CACNA1I: variants seen among roughly 807,000 people sequenced by gnomAD.
CACNA1I encodes calcium voltage-gated channel subunit alpha1 I, also known as voltage-dependent T-type calcium channel subunit alpha-1I.
Under a neutral mutation model 201.6 loss-of-function variants are expected in CACNA1I, and 74 were observed. The observed-to-expected ratio is 0.37, with a 90% CI of 0.30 to 0.45. The LOEUF (loss-of-function observed/expected upper bound fraction) is 0.45. CACNA1I is among the 20% of genes least tolerant of loss of function. CACNA1I has a pLI of 1.00. For missense variants in CACNA1I, 2,346 were observed against 3,138.1 expected (o/e 0.75, Z 6.03); for synonymous variants, 1,431 against 1,345.2 (o/e 1.06, Z -1.40).
At chr22:39,658,891 C>T (rs1437992451) in intron 11 of CACNA1I, 40 bp from the exon 12 acceptor site, 7 of 1,536,470 alleles carry the variant, frequency 4.6e-6, no homozygotes, top group East Asian at 2.4e-5. Context: ...CCTACTGCTG[C>T]CTCCTACCTG....
intron 29 of CACNA1I, among the ~76,000 whole-genome samples, chr22:39,675,512 C>T (rs1247200728): frequency 6.6e-6 from 1 of 152,242 alleles, no homozygotes; most frequent in African/African-American, 2.4e-5. Context: ...GTAGTCATTA[C>T]AAGTGCATTA....
At chr22:39,573,441 G>A (rs764723696) in intron 1 of CACNA1I, among the ~76,000 whole-genome samples, 5 of 152,058 alleles carry the variant, frequency 3.3e-5, no homozygotes, top group African/African-American at 4.8e-5. Context: ...TGCTGCCCAC[G>A]TGTCACGGAG....
intron 3 of CACNA1I, among the ~76,000 whole-genome samples, chr22:39,617,700 G>A (rs930637066): frequency 3.3e-5 from 5 of 151,998 alleles, no homozygotes; most frequent in South Asian, 4.1e-4. Flanking sequence ...ATGCAGTCCC[G>A]CTCCCTCGCT....
At chr22:39,599,738 C>T (rs1932983845) in intron 2 of CACNA1I, among the ~76,000 whole-genome samples, 1 of 152,152 alleles carries the variant, frequency 6.6e-6, no homozygotes, top group South Asian at 2.1e-4. Flanking sequence ...CTCAGCAGCC[C>T]CGGGCCCCAG....
chr22:39,612,203 C>A (rs1212169853), intron 3 of CACNA1I, among the ~76,000 whole-genome samples: 1 of 152,156 alleles, frequency 6.6e-6, no homozygotes, highest in Non-Finnish European at 1.5e-5. Context: ...CCCTGTCTCA[C>A]ACACACTTTC....
chr22:39,681,665 G>A (rs1022316077), intron 34 of CACNA1I, among the ~76,000 whole-genome samples: 1 of 151,972 alleles, frequency 6.6e-6, no homozygotes, highest in Admixed American at 6.6e-5. Context: ...GCAGTCTTAG[G>A]GGGTGAGATC....
chr22:39,659,320 G>T lies in CACNA1I; in HGVS notation c.2331-113G>T, dbSNP rs553969384. The T allele has an allele frequency of 3.2e-6, 3 of 945,564 alleles. No individual in the cohort carries two copies. The highest frequency in any genetic ancestry group is 2.1e-5 in the Admixed American group (1 of 48,352). 58.6% of individuals were successfully genotyped at this position (945,564 alleles called of 1,614,324 possible). ...TTCATCTCTGTAAAATGGGACCAAC[G>T]CTGCCCCGCCTCCCCCTGCCCTGCA... On this transcript the variant is annotated intron_variant, in intron 12 of 36. Transcript: ENST00000402142. This position sits in a 1 kb window ranked among gnomAD's most constrained non-coding sequence, Gnocchi z 4.3.
chr22:39,672,799 TAGG>T, intron 27 of CACNA1I, 147 bp from the exon 28 acceptor site: 1 of 733,806 alleles, frequency 1.4e-6, no homozygotes, highest in Non-Finnish European at 2.2e-6. Context: ...CCAGTGGCGT[TAGG>T]AGGGGCTAGT....
intron 15 of CACNA1I, 102 bp from the exon 16 acceptor site, chr22:39,661,006 C>A (rs1263678330): frequency 1.0e-6 from 1 of 965,514 alleles, no homozygotes; most frequent in Non-Finnish European, 1.6e-6. Context: ...AAAAGCTCTC[C>A]ATTTCTGCTC....
chr22:39,652,059 A>C (rs146249331), intron 10 of CACNA1I, among the ~76,000 whole-genome samples: 1 of 142,332 alleles, frequency 7.0e-6, no homozygotes, highest in Non-Finnish European at 1.5e-5. Flanking sequence ...TTTGAGATGG[A>C]GTCTCACTCT....
At chr22:39,661,332 T>C (rs1935003804) in intron 16 of CACNA1I, 22 bp downstream of exon 16, 4 of 1,517,790 alleles carry the variant, frequency 2.6e-6, no homozygotes, top group East Asian at 2.3e-5. Context: ...TGGGGAGCTC[T>C]GGACGGGCGC....
chr22:39,626,742 G>A (rs1170853948), intron 4 of CACNA1I, among the ~76,000 whole-genome samples: 3 of 152,024 alleles, frequency 2.0e-5, no homozygotes, highest in Admixed American at 6.6e-5. Context: ...GACTACAGGC[G>A]TGTGCCACCA....
At chr22:39,675,640 C>T (rs559079285) in intron 29 of CACNA1I, among the ~76,000 whole-genome samples, 20 of 152,188 alleles carry the variant, frequency 1.3e-4, no homozygotes, top group Admixed American at 7.2e-4. Context: ...CTCGATTCTA[C>T]GTAAAGTGCT....
chr22:39,588,628 G>A (rs982082317), intron 1 of CACNA1I, among the ~76,000 whole-genome samples: 10 of 151,576 alleles, frequency 6.6e-5, no homozygotes, highest in African/African-American at 1.2e-4. Flanking sequence ...CTCGTGATCC[G>A]CCTGCCTCAG....
At chr22:39,669,158 C>T (rs1291458196) in intron 24 of CACNA1I, among the ~76,000 whole-genome samples, 1 of 152,154 alleles carries the variant, frequency 6.6e-6, no homozygotes, top group African/African-American at 2.4e-5. Flanking sequence ...GATTCTCTAG[C>T]TCAAGACAGG....
chr22:39,571,276 C>A (rs370809546), intron 1 of CACNA1I: 3 of 501,986 alleles, frequency 6.0e-6, no homozygotes, highest in East Asian at 7.3e-5. Flanking sequence ...GGCCCCAGAC[C>A]TGTGCTGGGC....
rs764507333 is a variant in CACNA1I, at chr22:39,662,021, C to A, written c.2958C>A (p.Ser986Arg). The A allele has an allele frequency of 6.4e-7, 1 of 1,566,424 alleles. No individual in the cohort carries two copies. The highest frequency in any genetic ancestry group is 1.2e-5 in the South Asian group (1 of 85,858). Residue 986 changes from serine (S) to arginine (R), a missense_variant, in exon 17 of 37, where the codon AGC becomes AGA. By Grantham distance (110) the Ser-to-Arg change is moderately radical. Around this residue, in one of 13 missense-constraint regions of CACNA1I, gnomAD observed 288 missense variants for 255.2 expected, o/e 1.13. Transcript: ENST00000402142. ...GGGGCCGCAGCGCGGCCTGGGCCAG[C>A]CGTCGCTCCAGCTGGAACAGCCTCA... ...GPWGRSAAWA[S>R]RRSSWNSLKH...
chr22:39,668,424 A>G, intron 24 of CACNA1I, 43 bp downstream of exon 24: 1 of 1,316,352 alleles, frequency 7.6e-7, no homozygotes, highest in Non-Finnish European at 1.1e-6. Context: ...TGCAGGGAGG[A>G]ACATGGTGTC....
In CACNA1I at chr22:39,677,901, C is replaced by T; in HGVS notation, c.4934-86C>T. 3.4e-6 allele frequency: 5 copies of T among 1,454,550 alleles called. No homozygotes were observed. Among genetic ancestry groups the T allele is most frequent in the Non-Finnish European group, 3.7e-6 (4 of 1,089,286 alleles). The allele number at this position is 1,454,550 out of a possible 1,614,324, so 90.1% of individuals were successfully genotyped here. ...CCCCTCCTAGGGTGTGATGAGGGTT[C>T]TGAGGCGAGGCGGGAGGCACCAGGT... On this transcript the variant is annotated intron_variant, in intron 30 of 36. Transcript: ENST00000402142. The surrounding 1 kb of genome is among the most constrained non-coding windows in gnomAD (Gnocchi z 4.8).
Sources: gnomAD v4.1 joint callset for allele counts (sites outside exome capture counted in the v4.1 genomes callset) on GRCh38, gnomAD v4.1.1 for gene constraint, gnomAD v4.1.1 regional missense constraint, Gnocchi (gnomAD v3.1) non-coding constraint, MANE v1.5 for transcripts, NCBI Gene and HGNC (gene_info 2026-07-23, HGNC 2026-07-21) for gene names.